FAM90A1: variants seen among roughly 807,000 people sequenced by gnomAD.
FAM90A1 encodes the protein family with sequence similarity 90 member A1, also known as protein FAM90A1.
In FAM90A1, 10 loss-of-function variants were observed where a neutral mutation model predicts 14.8. That is an observed-to-expected ratio of 0.67 (90% CI 0.42 to 1.14). FAM90A1 has a LOEUF of 1.14. Among genes scored for constraint, FAM90A1 ranks in the 50% most tolerant of loss-of-function variants. FAM90A1 has a pLI of 0.00. For missense variants in FAM90A1, 567 were observed against 602.8 expected (o/e 0.94, Z 0.62); for synonymous variants, 236 against 248.4 (o/e 0.95, Z 0.47).
chr12:8,222,398 G>A lies in FAM90A1; in HGVS notation c.819C>T (p.Ala273=), dbSNP rs192486378. 4.0e-5 allele frequency: 64 copies of A among 1,611,726 alleles called. No individual in the cohort carries two copies. The African/African-American group carries it at 6.4e-4, about 16-fold the overall frequency. ...PAVTSQPCPP[A]ATHSLGLGSN... is the part of the protein sequence containing the mutation. ...AGCCTAGGCCCAAGCTGTGTGTGGC[G>A]GCTGGTGGGCAGGGCTGTGAGGTCA... is the stretch of plus-strand genomic sequence containing the variant. Residue 273 remains alanine, a synonymous_variant, in exon 7 of 7, where the codon GCC becomes GCT. Transcript: ENST00000538603.
intron 1 of FAM90A1, among the ~76,000 whole-genome samples, chr12:8,226,801 T>G (rs1208371160): frequency 7.5e-6 from 1 of 134,190 alleles, no homozygotes; most frequent in East Asian, 2.2e-4. Context: ...TTCATTGATG[T>G]CTTTTTTTTT....
In FAM90A1 at chr12:8,222,558, G is replaced by A. The variant is rs765949245; in HGVS notation, c.659C>T (p.Pro220Leu). The change falls in exon 7 of 7, where the codon CCC (proline) becomes CTC (leucine). Residue 220 changes from proline to leucine, a missense_variant. Coordinates refer to ENST00000538603, the MANE Select transcript of FAM90A1 (RefSeq NM_018088.3). The part of the protein sequence containing the change: ...IPQTAVRHQG[P>L]EPLLVVKPTH... ...CGGCTTCACCACGAGGAGAGGCTCGGGGCCCTGGTGCCTGACTGCAGTCTG... is the reference window on the plus strand; with the variant it reads ...CGGCTTCACCACGAGGAGAGGCTCGAGGCCCTGGTGCCTGACTGCAGTCTG... The A allele has an allele frequency of 1.2e-6, 2 of 1,612,032 alleles. No individual in the cohort carries two copies. The highest frequency in any genetic ancestry group is 2.3e-4 in the Middle Eastern group (1 of 4,430).
intron 1 of FAM90A1, among the ~76,000 whole-genome samples, 187 bp downstream of exon 1, chr12:8,227,293 C>T (rs1948963987): frequency 1.3e-5 from 2 of 152,188 alleles, no homozygotes; most frequent in South Asian, 4.1e-4. Flanking sequence ...CTCTAGGCTC[C>T]CAGGAGTGGT....
In FAM90A1 at chr12:8,225,977, T is replaced by C. The variant is rs1381046527; in HGVS notation, c.-198A>G. The C allele has an allele frequency of 6.6e-6, 1 of 152,272 alleles. No individual in the cohort carries two copies. The highest frequency in any genetic ancestry group is 1.5e-5 in the Non-Finnish European group (1 of 68,064). 9.4% of individuals were successfully genotyped at this position (152,272 alleles called of 1,614,324 possible). The stretch of plus-strand genomic sequence containing the variant: ...CCTCTGCTTTCCAGGCTGCCTTTTA[T>C]ACTGCCTCTGGTCACCTGACGTGGA... On this transcript the variant is annotated 5_prime_UTR_variant, in exon 3 of 7. Transcript: ENST00000538603.
In FAM90A1 at chr12:8,221,817, C is replaced by T; in HGVS notation, c.*5G>A. Reference sequence around the variant, plus strand: ...GAGGCCAAGGAGCCCCTGCCACCTGCAGTCTCACTCCAGGTCAGAATCGCT... The same window carrying T: ...GAGGCCAAGGAGCCCCTGCCACCTGTAGTCTCACTCCAGGTCAGAATCGCT... On this transcript the variant is annotated 3_prime_UTR_variant, in exon 7 of 7. Coordinates refer to ENST00000538603, the MANE Select transcript of FAM90A1 (RefSeq NM_018088.3). The T allele has an allele frequency of 6.3e-7, 1 of 1,593,660 alleles. No individual in the cohort carries two copies. Among genetic ancestry groups the T allele is most frequent in the Non-Finnish European group, 8.5e-7 (1 of 1,177,352 alleles).
Position 8,224,067 on chromosome 12 carries a change from G to C in FAM90A1, c.272C>G (p.Ala91Gly), listed in dbSNP as rs74990796. 5.9e-3 allele frequency: 9,493 copies of C among 1,611,792 alleles called. 479 individuals carry two copies. The African/African-American group carries it at 0.11, about 19-fold the overall frequency. Residue 91 changes from alanine (A) to glycine (G), a missense_variant, in exon 5 of 7, where the codon GCG becomes GGG. Coordinates refer to ENST00000538603, the MANE Select transcript of FAM90A1 (RefSeq NM_018088.3). ...ATCCTTGTTCAAGGGCCCAGGGTTC[G>C]CTTCAACCTGGGGCTTCCATGGTTT... ...NLKPWKPQVE[A>G]NPGPLNKDKG...
rs1429395183 is a variant in FAM90A1 at position 8,223,531 on chromosome 12, A to C, written c.350T>G (p.Leu117Arg). 6.3e-7 allele frequency: 1 copy of C among 1,592,798 alleles called. No individual in the cohort carries two copies. The highest frequency in any genetic ancestry group is 1.7e-5 in the Admixed American group (1 of 60,010). The change falls in exon 6 of 7, where the codon CTC (leucine) becomes CGC (arginine). Residue 117 changes from leucine (L) to arginine (R), a missense_variant. By Grantham distance (102) the Leu-to-Arg change is moderately radical. Coordinates refer to ENST00000538603, the MANE Select transcript of FAM90A1 (RefSeq NM_018088.3). Reference protein sequence around the residue: ...PRPQDPQRKALLHIFSRKPPE... With the variant: ...PRPQDPQRKARLHIFSRKPPE... ...AGGTTTCCTGGAAAATATGTGGAGG[A>C]GAGCCTTCCTCTGCGGGTCTTGTGG...
At chr12:8,226,079 A>G (rs1456878530) in intron 2 of FAM90A1, 87 bp from the exon 3 acceptor site, 1 of 152,124 alleles carries the variant, frequency 6.6e-6, no homozygotes, top group Non-Finnish European at 1.5e-5. Context: ...GGAAAGGTCT[A>G]TCTGCACAGC....
At position 8,221,537 on chromosome 12, in the gene FAM90A1, C is replaced by G; in HGVS notation, c.*285G>C. The G allele has an allele frequency of 2.0e-6, 1 of 512,760 alleles. No individual in the cohort carries two copies. Among genetic ancestry groups the G allele is most frequent in the Non-Finnish European group, 3.5e-6 (1 of 285,450 alleles). 31.8% of individuals were successfully genotyped at this position (512,760 alleles called of 1,614,324 possible). A position where few individuals can be genotyped will look rare whatever the true frequency, so the allele number is the denominator to read the frequency against. ...CGTCCCAGCGGAAGTCTGACTCCTG[C>G]GCGTCATGCAGTTTCTGAGGCAACG... On this transcript the variant is annotated 3_prime_UTR_variant, in exon 7 of 7. Coordinates refer to ENST00000538603, the MANE Select transcript of FAM90A1 (RefSeq NM_018088.3).
rs201843148 is a variant in FAM90A1 at position 8,224,218 on chromosome 12, G to C, written c.124-3C>G. On this transcript the variant is annotated splice_region_variant and splice_polypyrimidine_tract_variant and intron_variant, in intron 4 of 6. Coordinates refer to ENST00000538603, the MANE Select transcript of FAM90A1 (RefSeq NM_018088.3). ...GCCTCACAGTTTTTGCACTTGAGCT[G>C]TGGGTGGAAAGGAAGTGATGTCAGT... 6 of 1,611,314 alleles carry C rather than the reference G, an allele frequency of 3.7e-6. No individual in the cohort carries two copies. The highest frequency in any genetic ancestry group is 2.2e-5 in the South Asian group (2 of 90,984).
At chr12:8,224,470 G>C (rs1948897063) in intron 4 of FAM90A1, among the ~76,000 whole-genome samples, 2 of 152,190 alleles carry the variant, frequency 1.3e-5, no homozygotes, top group African/African-American at 2.4e-5. Context: ...CAACAACACA[G>C]CCAAACGTGG....
chr12:8,226,196 T>C (rs1302093501), intron 2 of FAM90A1, 76 bp downstream of exon 2: 2 of 152,288 alleles, frequency 1.3e-5, no homozygotes, highest in Non-Finnish European at 1.5e-5. Context: ...CACTGGTGCC[T>C]GTACCCCTGT....
At chr12:8,224,601 G>T (rs1948900004) in intron 4 of FAM90A1, 109 bp downstream of exon 4, 4 of 943,656 alleles carry the variant, frequency 4.2e-6, no homozygotes, top group Admixed American at 2.2e-5. Flanking sequence ...CCTGGGTGGT[G>T]GTGACAGAAC....
At chr12:8,227,423 C>G (rs1948966470) in intron 1 of FAM90A1, 57 bp downstream of exon 1, 1 of 472,770 alleles carries the variant, frequency 2.1e-6, no homozygotes, top group African/African-American at 2.0e-5. Context: ...CTGCGCACAA[C>G]ACAGACAGAA....
In FAM90A1 at chr12:8,226,465, T is replaced by C. The variant is rs1948946639; in HGVS notation, c.-407A>G. The C allele has an allele frequency of 6.5e-6, 1 of 153,368 alleles. No homozygotes were observed. Among genetic ancestry groups the C allele is most frequent in the South Asian group, 2.1e-4 (1 of 4,822 alleles). 9.5% of individuals were successfully genotyped at this position (153,368 alleles called of 1,614,324 possible). A position where few individuals can be genotyped will look rare whatever the true frequency, so the allele number is the denominator to read the frequency against. ...TCCAGAATGCGCTTGGAAACCACCG[T>C]GAATTGGAGCGCACTGGGAAACACA... On this transcript the variant is annotated 5_prime_UTR_variant, in exon 2 of 7. Coordinates refer to ENST00000538603, the MANE Select transcript of FAM90A1 (RefSeq NM_018088.3).
At chr12:8,222,816 T>C (rs200779233) in intron 6 of FAM90A1, 32 bp from the exon 7 acceptor site, 2 of 1,565,684 alleles carry the variant, frequency 1.3e-6, no homozygotes, top group Non-Finnish European at 1.7e-6. Context: ...AGGTTAGAAG[T>C]TCCTCAGCAT....
chr12:8,224,939 T>C, intron 3 of FAM90A1, 51 bp from the exon 4 acceptor site: 1 of 1,415,864 alleles, frequency 7.1e-7, no homozygotes, highest in Non-Finnish European at 9.8e-7. Flanking sequence ...CATTGGATAT[T>C]CACACACCCA....
Position 8,221,869 on chromosome 12 carries a change from G to A in FAM90A1, c.1348C>T (p.Leu450Phe). 1 of 1,596,296 alleles carries A rather than the reference G, an allele frequency of 6.3e-7. No individual in the cohort carries two copies. The highest frequency in any genetic ancestry group is 8.5e-7 in the Non-Finnish European group (1 of 1,179,600). Residue 450 changes from leucine to phenylalanine, a missense_variant, in exon 7 of 7, where the codon CTT (leucine) becomes TTT (phenylalanine). By Grantham distance (22) the Leu-to-Phe change is conservative. Transcript: ENST00000538603. ...TCCTCTGAGGAGGAGGGAACCTGAAGGTCCTCATAGAGGACGCTTGGTGGG... is the reference window on the plus strand; with the variant it reads ...TCCTCTGAGGAGGAGGGAACCTGAAAGTCCTCATAGAGGACGCTTGGTGGG... Reference protein sequence around the residue: ...RVPPSVLYEDLQVPSSSEDSD... With the variant: ...RVPPSVLYEDFQVPSSSEDSD...
At chr12:8,224,658 C>A (rs1948901406) in intron 4 of FAM90A1, 52 bp downstream of exon 4, 1 of 568,144 alleles carries the variant, frequency 1.8e-6, no homozygotes, top group Admixed American at 2.3e-5. Flanking sequence ...ACACCCCGTC[C>A]CCCCGCCCCC....
Sources: allele counts gnomAD v4.1 joint callset (sites outside exome capture counted in the v4.1 genomes callset), GRCh38; gene constraint gnomAD v4.1.1; transcripts MANE v1.5; gene names NCBI Gene and HGNC (gene_info 2026-07-23, HGNC 2026-07-21).